TPTE: variants seen among roughly 807,000 people sequenced by gnomAD.
TPTE encodes putative tyrosine-protein phosphatase TPTE.
A neutral mutation model predicts 84.1 loss-of-function variants in TPTE; 59 were observed. That is an observed-to-expected ratio of 0.70 (90% CI 0.57 to 0.87). The LOEUF is 0.87. TPTE is among the 40% of genes least tolerant of loss of function. The pLI, the probability that TPTE is intolerant of heterozygous loss-of-function variation, is 0.00. For missense variants in TPTE, 382 were observed against 659.6 expected (o/e 0.58, Z 4.61); for synonymous variants, 130 against 223.5 (o/e 0.58, Z 3.73).
At chr21:10,523,735 G>A (rs1391364852) in intron 1 of TPTE, among the ~76,000 whole-genome samples, 2 of 152,310 alleles carry the variant, frequency 1.3e-5, no homozygotes, top group Admixed American at 6.5e-5. Flanking sequence ...CTTTGCTATT[G>A]TGAATAGTGC....
At chr21:10,564,177 C>T (rs1377843788) in intron 10 of TPTE, among the ~76,000 whole-genome samples, 1 of 152,280 alleles carries the variant, frequency 6.6e-6, no homozygotes, top group Admixed American at 6.5e-5. Context: ...TAAAAAAACC[C>T]ATTGCTCTGT....
chr21:10,522,538 T>C (rs2145562326), intron 1 of TPTE, among the ~76,000 whole-genome samples: 1 of 152,426 alleles, frequency 6.6e-6, no homozygotes, highest in South Asian at 2.1e-4. Context: ...ACAATGCGTC[T>C]GGACGGGCAG....
chr21:10,579,869 A>G (rs1600945577), intron 17 of TPTE, among the ~76,000 whole-genome samples: 1 of 152,312 alleles, frequency 6.6e-6, no homozygotes, highest in African/African-American at 2.4e-5. Flanking sequence ...TCCTTTGGAT[A>G]TATACCCAGA....
At chr21:10,546,844 A>G (rs1333110877) in intron 7 of TPTE, among the ~76,000 whole-genome samples, 1 of 152,308 alleles carries the variant, frequency 6.6e-6, no homozygotes, top group East Asian at 1.9e-4. Context: ...GGTTTAAGGA[A>G]AGAAGCCATC....
At chr21:10,552,425 A>AGG in intron 7 of TPTE, among the ~76,000 whole-genome samples, 1 of 152,420 alleles carries the variant, frequency 6.6e-6, no homozygotes, top group Non-Finnish European at 1.5e-5. Flanking sequence ...ACAGAGAGAG[A>AGG]AAAGAAGATA....
chr21:10,549,110 A>G (rs1208253998), intron 7 of TPTE, among the ~76,000 whole-genome samples: 1 of 152,310 alleles, frequency 6.6e-6, no homozygotes, highest in Non-Finnish European at 1.5e-5. Flanking sequence ...TGCAAATGTT[A>G]CTAGTGTGGA....
intron 10 of TPTE, among the ~76,000 whole-genome samples, chr21:10,565,389 C>T (rs1174003771): frequency 9.8e-5 from 15 of 152,422 alleles, no homozygotes; most frequent in Non-Finnish European, 1.9e-4. Flanking sequence ...ATTCCATGTT[C>T]ATGGATTGGA....
intron 17 of TPTE, among the ~76,000 whole-genome samples, chr21:10,586,012 T>C (rs2075357341): frequency 6.6e-6 from 1 of 152,306 alleles, no homozygotes; most frequent in Admixed American, 6.5e-5. Context: ...TTTACTAGTC[T>C]TTTAAAAGAA....
chr21:10,534,826 C>G (rs1171028848), intron 3 of TPTE, among the ~76,000 whole-genome samples: 2 of 152,310 alleles, frequency 1.3e-5, no homozygotes, highest in African/African-American at 2.4e-5. Flanking sequence ...CACAAGAAGT[C>G]TACTTCTTCC....
At chr21:10,558,052 G>A (rs2074717401) in intron 8 of TPTE, among the ~76,000 whole-genome samples, 1 of 152,312 alleles carries the variant, frequency 6.6e-6, no homozygotes, top group Non-Finnish European at 1.5e-5. Flanking sequence ...AGAGCCTCCG[G>A]CTCCATTGAT....
intron 7 of TPTE, among the ~76,000 whole-genome samples, chr21:10,544,478 G>A (rs1297620844): frequency 2.0e-5 from 3 of 152,422 alleles, no homozygotes; most frequent in South Asian, 4.1e-4. Flanking sequence ...TCCATCTCCC[G>A]GGTTCAAGTG....
At chr21:10,544,434 G>C (rs538957774) in intron 7 of TPTE, among the ~76,000 whole-genome samples, 2 of 152,306 alleles carry the variant, frequency 1.3e-5, no homozygotes, top group Non-Finnish European at 1.5e-5. Context: ...GCCCAAGCTG[G>C]CGTGCAGTGG....
chr21:10,561,230 G>A lies in TPTE; in HGVS notation c.446+39G>A, dbSNP rs549857536. Reference sequence around the variant, plus strand: ...TTTTTATAATGCATTAAGCTACTTTGTAGTTTTATAAGAAGCACTTTCGGA... The same window carrying A: ...TTTTTATAATGCATTAAGCTACTTTATAGTTTTATAAGAAGCACTTTCGGA... On this transcript the variant is annotated intron_variant, in intron 10 of 23. Coordinates refer to ENST00000618007, the MANE Select transcript of TPTE (RefSeq NM_199261.4). The A allele has an allele frequency of 8.6e-5, 138 of 1,607,258 alleles. No homozygotes were observed. In the East Asian group the frequency reaches 1.7e-3, roughly 20 times the overall value.
At chr21:10,596,267 C>A (rs1417686709) in intron 20 of TPTE, among the ~76,000 whole-genome samples, 180 bp downstream of exon 20, 1 of 152,312 alleles carries the variant, frequency 6.6e-6, no homozygotes, top group Non-Finnish European at 1.5e-5. Flanking sequence ...CATTGATTGC[C>A]AGCCCTTAGA....
intron 5 of TPTE, 151 bp from the exon 6 acceptor site, chr21:10,542,244 A>G: frequency 1.0e-6 from 1 of 964,686 alleles, no homozygotes; most frequent in Non-Finnish European, 1.6e-6. Flanking sequence ...GCTAATAAAG[A>G]GGAAAAGACA....
chr21:10,581,674 C>T (rs1248284935), intron 17 of TPTE, among the ~76,000 whole-genome samples: 3 of 152,302 alleles, frequency 2.0e-5, no homozygotes, highest in East Asian at 3.8e-4. Flanking sequence ...TAATTATATT[C>T]TCCCCACATG....
chr21:10,557,204 A>G lies in TPTE; in HGVS notation c.234-2290A>G, dbSNP rs371903657. 4.3e-4 allele frequency among the ~76,000 whole-genome samples: 66 copies of G among 152,402 alleles called. No individual in the cohort carries two copies. The South Asian group carries it at 0.011, about 25-fold the overall frequency. On this transcript the variant is annotated intron_variant, in intron 8 of 23. Transcript: ENST00000618007. ...TGGAGGCTATGCTTCGTGTTGCTTCATGTTGGAGTGTCTGTCTGTTGCTCC... is the reference window on the plus strand; with the variant it reads ...TGGAGGCTATGCTTCGTGTTGCTTCGTGTTGGAGTGTCTGTCTGTTGCTCC...
chr21:10,556,405 G>T (rs2074685010), intron 8 of TPTE, among the ~76,000 whole-genome samples: 1 of 152,310 alleles, frequency 6.6e-6, no homozygotes. Context: ...GTATTCCATG[G>T]TGTATATGTG....
chr21:10,546,738 C>G (rs543980890), intron 7 of TPTE, among the ~76,000 whole-genome samples: 189 of 152,218 alleles, frequency 1.2e-3, no homozygotes, highest in Non-Finnish European at 2.3e-3. Flanking sequence ...AAAGCGTAAT[C>G]CAGGACAAGG....
Sources: allele counts gnomAD v4.1 joint callset (sites outside exome capture counted in the v4.1 genomes callset), GRCh38; gene constraint gnomAD v4.1.1; transcripts MANE v1.5; gene names NCBI Gene and HGNC (gene_info 2026-07-23, HGNC 2026-07-21).